Variants in LRRK1 observed in about 807,000 individuals in gnomAD.
LRRK1 encodes leucine rich repeat kinase 1, also known as leucine-rich repeat serine/threonine-protein kinase 1.
In LRRK1, 113 loss-of-function variants were observed where a neutral mutation model predicts 209.1. That is an observed-to-expected ratio of 0.54 (90% CI 0.46 to 0.63). LRRK1 has a LOEUF of 0.63. Among genes scored for constraint, LRRK1 ranks in the 30% least tolerant of loss-of-function variants. LRRK1 has a pLI of 0.00. For synonymous variants in LRRK1, 1,144 were observed against 1,099.7 expected, an observed-to-expected ratio of 1.04 and a Z score of -0.80; for missense variants, 2,284 against 2,632.2, an observed-to-expected ratio of 0.87 and a Z score of 2.89.
At chr15:100,989,465 A>G in intron 6 of LRRK1, 67 bp downstream of exon 6, 1 of 1,514,912 alleles carries the variant, frequency 6.6e-7, no homozygotes. Context: ...AATCCTGCAG[A>G]CTGGGTAATT....
chr15:101,051,739 G>A lies in LRRK1; in HGVS notation c.3468G>A (p.Thr1156=), dbSNP rs774255012. 64 of 1,613,864 alleles carry A rather than the reference G, an allele frequency of 4.0e-5. No individual in the cohort carries two copies. The highest frequency in any genetic ancestry group is 8.3e-5 in the Admixed American group (5 of 60,018). The change falls in exon 24 of 34, where the codon ACG becomes ACA. Residue 1156 remains threonine (T), a synonymous_variant. Transcript: ENST00000388948. ...TGACAGCCACAGAGAGCGACGGGAC[G>A]CCACTCATGGAGCAGTACGTGCCCT... The part of the protein sequence containing the change: ...PALTATESDG[T]PLMEQYVPCP...
At position 101,077,366 on chromosome 15, in the gene LRRK1, C is replaced by G. The variant is rs991233778; in HGVS notation, c.*8518C>G. The stretch of plus-strand genomic sequence containing the variant: ...CTCTTGTTTACACTGCCAGTTTACA[C>G]TGTTTCTCCAAGCCATCACAGCTGA... On this transcript the variant is annotated 3_prime_UTR_variant, in exon 34 of 34. Transcript: ENST00000388948. The G allele has an allele frequency of 6.6e-6, 1 of 152,228 alleles. No individual in the cohort carries two copies. The highest frequency in any genetic ancestry group is 1.9e-4 in the East Asian group (1 of 5,202). 9.4% of individuals were successfully genotyped at this position (152,228 alleles called of 1,614,324 possible).
At chr15:100,928,822 G>C (rs1272689126) in intron 2 of LRRK1, among the ~76,000 whole-genome samples, 1 of 152,184 alleles carries the variant, frequency 6.6e-6, no homozygotes, top group Non-Finnish European at 1.5e-5. Flanking sequence ...GCTTTGCCCA[G>C]CTGGTGTGAG....
chr15:100,955,317 A>T (rs568148343), intron 2 of LRRK1, among the ~76,000 whole-genome samples: 63 of 152,304 alleles, frequency 4.1e-4, no homozygotes, highest in Non-Finnish European at 6.5e-4. Context: ...GTTGGTGTAT[A>T]GAACTGCAAA....
rs1422639725 is a variant in LRRK1 at position 101,068,993 on chromosome 15, A to AAGTT, written c.*147_*150dup. 1.3e-6 allele frequency: 1 copy of AAGTT among 778,214 alleles called. No homozygotes were observed. Among genetic ancestry groups the AAGTT allele is most frequent in the East Asian group, 3.0e-5 (1 of 33,232 alleles). 48.2% of individuals were successfully genotyped at this position (778,214 alleles called of 1,614,324 possible). A position where few individuals can be genotyped will look rare whatever the true frequency, so the allele number is the denominator to read the frequency against. ...CTCCTTGCTGCTAAGAAGTGCTGAG[A>AAGTT]AGTTACTCGCCTGGCGGTGGCTCCA... On this transcript the variant is annotated 3_prime_UTR_variant, in exon 34 of 34. Coordinates refer to ENST00000388948, the MANE Select transcript of LRRK1 (RefSeq NM_024652.6).
chr15:100,990,851 T>TA (rs1355023921), intron 6 of LRRK1, among the ~76,000 whole-genome samples: 15 of 152,308 alleles, frequency 9.8e-5, no homozygotes, highest in African/African-American at 3.1e-4. Flanking sequence ...CATAATTCAA[T>TA]ATGTTCATCT....
At chr15:101,015,988 CTTTTTTT>C (rs112045047) in intron 12 of LRRK1, among the ~76,000 whole-genome samples, 2 of 143,300 alleles carry the variant, frequency 1.4e-5, no homozygotes, top group Non-Finnish European at 3.1e-5. Context: ...TCTTCCTCTT[CTTTTTTT>C]TTTTTTTTCT....
At chr15:100,939,715 T>C (rs192577552) in intron 2 of LRRK1, among the ~76,000 whole-genome samples, 1 of 152,324 alleles carries the variant, frequency 6.6e-6, no homozygotes, top group East Asian at 1.9e-4. Context: ...GAAAGTGATC[T>C]CTAAAGAAGA....
chr15:100,926,598 C>CA (rs899709473), intron 2 of LRRK1, among the ~76,000 whole-genome samples: 4 of 2,068 alleles, frequency 1.9e-3, no homozygotes, highest in Non-Finnish European at 4.2e-3. Context: ...CATCTTGGGG[C>CA]AGGGGGGCGG....
At chr15:100,935,541 A>C (rs1461610067) in intron 2 of LRRK1, among the ~76,000 whole-genome samples, 3 of 152,160 alleles carry the variant, frequency 2.0e-5, no homozygotes, top group Non-Finnish European at 4.4e-5. Flanking sequence ...TGATGGACAC[A>C]TCTGAGGAGC....
At chr15:101,033,314 A>AT (rs1171300941) in intron 20 of LRRK1, among the ~76,000 whole-genome samples, 1 of 152,182 alleles carries the variant, frequency 6.6e-6, no homozygotes, top group Non-Finnish European at 1.5e-5. Flanking sequence ...ACTTTGAAAT[A>AT]TACCATATAT....
intron 4 of LRRK1, among the ~76,000 whole-genome samples, chr15:100,987,637 C>T (rs1596240261): frequency 6.6e-6 from 1 of 151,662 alleles, no homozygotes; most frequent in East Asian, 1.9e-4. Context: ...AATACAATGA[C>T]ACAACATCAT....
intron 20 of LRRK1, among the ~76,000 whole-genome samples, chr15:101,032,926 G>A (rs1021299926): frequency 6.6e-6 from 1 of 152,166 alleles, no homozygotes; most frequent in Non-Finnish European, 1.5e-5. Context: ...GGTTGCGTGA[G>A]CGTTTTGTAT....
At chr15:100,928,627 G>A (rs536101735) in intron 2 of LRRK1, among the ~76,000 whole-genome samples, 16 of 152,320 alleles carry the variant, frequency 1.1e-4, no homozygotes, top group South Asian at 4.1e-4. Context: ...CCACGTGTGC[G>A]TTAGAAAAAG....
intron 21 of LRRK1, among the ~76,000 whole-genome samples, chr15:101,048,042 A>G (rs1239468558): frequency 6.6e-6 from 1 of 152,124 alleles, no homozygotes; most frequent in Non-Finnish European, 1.5e-5. Flanking sequence ...TTTTTAACAT[A>G]TACGAAATTA....
intron 6 of LRRK1, among the ~76,000 whole-genome samples, chr15:101,002,670 C>T (rs962008413): frequency 6.6e-6 from 1 of 152,158 alleles, no homozygotes; most frequent in Non-Finnish European, 1.5e-5. Flanking sequence ...ATAATGAGGG[C>T]TAATGAGGGC....
At chr15:101,066,780 A>T (rs763475822) in intron 33 of LRRK1, 39 bp downstream of exon 33, 2 of 1,534,562 alleles carry the variant, frequency 1.3e-6, no homozygotes, top group Admixed American at 1.7e-5. Flanking sequence ...CCCAGGCAGC[A>T]GCATGAGCAC....
At chr15:100,956,297 A>G (rs971160436) in intron 2 of LRRK1, among the ~76,000 whole-genome samples, 7 of 151,748 alleles carry the variant, frequency 4.6e-5, no homozygotes, top group Non-Finnish European at 5.9e-5. Context: ...TAGTAGTCTC[A>G]TAATACTTTG....
At chr15:101,039,012 T>C (rs949515217) in intron 20 of LRRK1, among the ~76,000 whole-genome samples, 8 of 152,240 alleles carry the variant, frequency 5.3e-5, no homozygotes. Context: ...GTTCTAGGGT[T>C]TAGGACCTGG....
Sources: allele counts gnomAD v4.1 joint callset (sites outside exome capture counted in the v4.1 genomes callset), GRCh38; gene constraint gnomAD v4.1.1; transcripts MANE v1.5; gene names NCBI Gene and HGNC (gene_info 2026-07-23, HGNC 2026-07-21).